The following RREB1 variants were observed in gnomAD, a reference collection of about 807,000 sequenced individuals.
RREB1 encodes the protein ras-responsive element-binding protein 1.
In RREB1, 27 loss-of-function variants were observed where a neutral mutation model predicts 117.8. That is an observed-to-expected ratio of 0.23 (90% CI 0.17 to 0.32). RREB1 has a LOEUF of 0.32. RREB1 is among the 10% of genes least tolerant of loss of function. The pLI is 1.00. For missense variants in RREB1, 2,577 were observed against 2,378.2 expected, an observed-to-expected ratio of 1.08 and a Z score of -1.74; for synonymous variants, 1,298 against 1,026.7, an observed-to-expected ratio of 1.26 and a Z score of -5.05.
chr6:7,238,715 G>A (rs924052291), intron 10 of RREB1, among the ~76,000 whole-genome samples: 1 of 152,158 alleles, frequency 6.6e-6, no homozygotes, highest in Non-Finnish European at 1.5e-5. Context: ...GTTGCCTTGT[G>A]GAGCTACTCA....
At chr6:7,109,799 G>T (rs1026786870) in intron 1 of RREB1, among the ~76,000 whole-genome samples, 2 of 152,190 alleles carry the variant, frequency 1.3e-5, no homozygotes, top group African/African-American at 4.8e-5. Context: ...GGGCACTTTG[G>T]AGGGGTTTTC....
intron 6 of RREB1, among the ~76,000 whole-genome samples, chr6:7,197,424 G>A (rs1348563834): frequency 2.0e-5 from 3 of 152,186 alleles, no homozygotes; most frequent in African/African-American, 7.2e-5. Flanking sequence ...TTAGAATGGT[G>A]AAGATGGGCC....
At chr6:7,237,319 T>G (rs1768397469) in intron 10 of RREB1, among the ~76,000 whole-genome samples, 1 of 152,108 alleles carries the variant, frequency 6.6e-6, no homozygotes, top group Admixed American at 6.5e-5. Context: ...ACTCCCGATC[T>G]CAGGTAATCC....
intron 10 of RREB1, among the ~76,000 whole-genome samples, chr6:7,234,133 T>G (rs1768164382): frequency 6.6e-6 from 1 of 152,212 alleles, no homozygotes; most frequent in African/African-American, 2.4e-5. Context: ...TTAAAATAGT[T>G]TAAGCCTGAC....
rs1326290554 is a variant in RREB1 at position 7,231,197 on chromosome 6, C to T, written c.3098C>T (p.Ser1033Leu). 3.7e-6 allele frequency: 6 copies of T among 1,611,708 alleles called. No individual in the cohort carries two copies. Among genetic ancestry groups the T allele is most frequent in the Non-Finnish European group, 5.1e-6 (6 of 1,179,296 alleles). ...LVSSPPLVGS[S>L]ALLSGTALLR... is the part of the protein sequence containing the mutation. ...AGCAGCCCTCCACTCGTGGGCAGCT[C>T]AGCCCTCCTGAGTGGCACAGCCTTG... Residue 1033 changes from serine (S) to leucine (L), a missense_variant, in exon 10 of 13, where the codon TCA (serine) becomes TTA (leucine). Transcript: ENST00000379938.
At chr6:7,134,286 G>GAA (rs1762264558) in intron 1 of RREB1, among the ~76,000 whole-genome samples, 1 of 152,218 alleles carries the variant, frequency 6.6e-6, no homozygotes. Flanking sequence ...GGTTACTGAT[G>GAA]AAAAACAAAT....
At chr6:7,117,546 C>T (rs1046383282) in intron 1 of RREB1, among the ~76,000 whole-genome samples, 23 of 151,622 alleles carry the variant, frequency 1.5e-4, no homozygotes, top group African/African-American at 5.6e-4. Context: ...GCTGGGATTA[C>T]AGGCGCCTAC....
At chr6:7,150,497 A>G (rs1384983757) in intron 1 of RREB1, among the ~76,000 whole-genome samples, 1 of 152,206 alleles carries the variant, frequency 6.6e-6, no homozygotes, top group African/African-American at 2.4e-5. Flanking sequence ...GTGCATATGC[A>G]TGGCAGCTAT....
chr6:7,121,038 G>A (rs899424629), intron 1 of RREB1, among the ~76,000 whole-genome samples: 20 of 151,780 alleles, frequency 1.3e-4, no homozygotes, highest in African/African-American at 4.8e-4. Flanking sequence ...TGGCCAGGCT[G>A]GTCTCGAAGT....
chr6:7,214,489 GC>G (rs1308555957), intron 8 of RREB1: 2 of 152,456 alleles, frequency 1.3e-5, no homozygotes, highest in Admixed American at 1.3e-4. Flanking sequence ...ATGGGGTGGG[GC>G]TGGCATCTGG....
chr6:7,179,683 A>C (rs1247986572), intron 2 of RREB1, among the ~76,000 whole-genome samples: 1 of 152,186 alleles, frequency 6.6e-6, no homozygotes, highest in African/African-American at 2.4e-5. Flanking sequence ...ATTAAGAAAA[A>C]ATTGTGTGTA....
Position 7,120,636 on chromosome 6 carries a change from T to C in RREB1, c.-285+12576T>C, listed in dbSNP as rs1193963796. Among the ~76,000 whole-genome samples, 4 of 151,632 alleles carry C rather than the reference T, an allele frequency of 2.6e-5. No homozygotes were observed. The Admixed American group carries it at 2.6e-4, about 10-fold the overall frequency. On this transcript the variant is annotated intron_variant, in intron 1 of 12. Coordinates refer to ENST00000379938, the MANE Select transcript of RREB1 (RefSeq NM_001003699.4). ...AACAGGAAAAATTTCTTGTAGATGG[T>C]CTGAGCTTTTGAATGATTTTTAGAT... is the stretch of plus-strand genomic sequence containing the variant.
intron 5 of RREB1, among the ~76,000 whole-genome samples, chr6:7,188,492 A>G (rs1347241835): frequency 3.3e-5 from 5 of 152,126 alleles, no homozygotes; most frequent in African/African-American, 1.2e-4. Context: ...ACAGAAGGAA[A>G]TCTACTCAGC....
chr6:7,167,732 G>T (rs893794992), intron 1 of RREB1, among the ~76,000 whole-genome samples: 38 of 152,210 alleles, frequency 2.5e-4, no homozygotes, highest in African/African-American at 8.7e-4. Flanking sequence ...GGAGTTAGGA[G>T]AATCATCCCA....
At chr6:7,118,416 C>T (rs1401283123) in intron 1 of RREB1, among the ~76,000 whole-genome samples, 1 of 151,962 alleles carries the variant, frequency 6.6e-6, no homozygotes, top group Non-Finnish European at 1.5e-5. Flanking sequence ...CCACCGCTCC[C>T]GCCCAGAAAA....
chr6:7,196,644 A>T (rs1765693944), intron 6 of RREB1, among the ~76,000 whole-genome samples: 1 of 152,146 alleles, frequency 6.6e-6, no homozygotes, highest in Admixed American at 6.5e-5. Context: ...AAGTAGGGAG[A>T]TGAGAGTGAT....
rs565218980 is a variant in RREB1, at chr6:7,159,454, C to T, written c.-284-17201C>T. ...GGGCTCACAAGGATGTCTCCCCTCT[C>T]GTTCCTTTCCAGAGGATGAGTTCTG... On this transcript the variant is annotated intron_variant, in intron 1 of 12. Coordinates refer to ENST00000379938, the MANE Select transcript of RREB1 (RefSeq NM_001003699.4). Among the ~76,000 whole-genome samples the T allele has an allele frequency of 8.5e-5, 13 of 152,322 alleles. No individual in the cohort carries two copies. In the South Asian group the frequency reaches 2.3e-3, roughly 27 times the overall value.
intron 1 of RREB1, among the ~76,000 whole-genome samples, chr6:7,143,573 C>T (rs1305215989): frequency 6.6e-6 from 1 of 152,156 alleles, no homozygotes; most frequent in African/African-American, 2.4e-5. Flanking sequence ...GTAAATGGTG[C>T]TTGGGGCCTC....
At chr6:7,140,168 T>G (rs1254574401) in intron 1 of RREB1, among the ~76,000 whole-genome samples, 1 of 152,228 alleles carries the variant, frequency 6.6e-6, no homozygotes, top group East Asian at 1.9e-4. Flanking sequence ...CTTTGCCAGC[T>G]TTTGTATGTA....
Sources: gnomAD v4.1 joint callset for allele counts (sites outside exome capture counted in the v4.1 genomes callset) on GRCh38, gnomAD v4.1.1 for gene constraint, MANE v1.5 for transcripts, NCBI Gene and HGNC (gene_info 2026-07-23, HGNC 2026-07-21) for gene names.